The following PSMC6 variants were observed in gnomAD, a reference collection of about 807,000 sequenced individuals.
PSMC6 encodes proteasome 26S subunit, ATPase 6, also known as 26S proteasome regulatory subunit 10B.
A neutral mutation model predicts 55.9 loss-of-function variants in PSMC6; 3 were observed. That is an observed-to-expected ratio of 0.05 (90% CI 0.02 to 0.14). The LOEUF (loss-of-function observed/expected upper bound fraction) is 0.14. PSMC6 is among the 10% of genes least tolerant of loss of function. The pLI, the probability that PSMC6 is intolerant of heterozygous loss-of-function variation, is 1.00. For missense variants in PSMC6, 210 were observed against 478.7 expected, an observed-to-expected ratio of 0.44 and a Z score of 5.24; for synonymous variants, 137 against 155.9, an observed-to-expected ratio of 0.88 and a Z score of 0.90.
At position 52,727,716 on chromosome 14, in the gene PSMC6, A is replaced by C. The variant is rs966811774; in HGVS notation, c.*99A>C. On this transcript the variant is annotated 3_prime_UTR_variant, in exon 14 of 14. Transcript: ENST00000445930. ...TATGTATTGGTAATGATGTCATTAA[A>C]AGTATATGAATAAAAATATGAGTAA... 8.9e-6 allele frequency: 6 copies of C among 677,770 alleles called. No homozygotes were observed. The highest frequency in any genetic ancestry group is 1.5e-5 in the Non-Finnish European group (6 of 405,452). The allele number at this position is 677,770 out of a possible 1,614,324, so 42.0% of individuals were successfully genotyped here. A position where few individuals can be genotyped will look rare whatever the true frequency, so the allele number is the denominator to read the frequency against.
At position 52,720,907 on chromosome 14, in the gene PSMC6, T is replaced by C; in HGVS notation, c.824T>C (p.Met275Thr). 6.2e-7 allele frequency: 1 copy of C among 1,610,874 alleles called. No homozygotes were observed. Among genetic ancestry groups the C allele is most frequent in the Non-Finnish European group, 8.5e-7 (1 of 1,177,260 alleles). Residue 275 changes from methionine (M) to threonine (T), a missense_variant, in exon 11 of 14, where the codon ATG becomes ACG. This residue lies in a region of PSMC6 where 79 missense variants were observed against 158.7 expected (regional missense o/e 0.50). Transcript: ENST00000445930. The stretch of plus-strand genomic sequence containing the variant: ...TTTGATACTCTGCATAGAGTTAAAA[T>C]GATCATGGCTACAAACAGACCAGAT... ...DGFDTLHRVK[M>T]IMATNRPDTL... is the part of the protein sequence containing the mutation.
intron 12 of PSMC6, chr14:52,722,901 A>G (rs1226872911): frequency 6.6e-6 from 1 of 152,216 alleles, no homozygotes; most frequent in African/African-American, 2.4e-5. Context: ...GGCCCTTTAC[A>G]TAAAAAGTTT....
intron 12 of PSMC6, chr14:52,721,576 G>A (rs1243885354): frequency 5.7e-5 from 9 of 157,484 alleles, no homozygotes; most frequent in Middle Eastern, 3.2e-3. Context: ...CGAGGCAGAA[G>A]GACCGCTTGA....
At chr14:52,712,375 G>T (rs1302475390) in intron 6 of PSMC6, among the ~76,000 whole-genome samples, 1 of 101,180 alleles carries the variant, frequency 9.9e-6, no homozygotes, top group Non-Finnish European at 2.1e-5. Flanking sequence ...GGAAGCACTG[G>T]TCTAAGTGTA....
chr14:52,722,037 G>T (rs765207828), intron 12 of PSMC6: 1 of 152,446 alleles, frequency 6.6e-6, no homozygotes, highest in Non-Finnish European at 1.5e-5. Flanking sequence ...GGGATAACAG[G>T]CGTGTGCCAC....
At chr14:52,715,060 AT>A (rs1226009077) in intron 7 of PSMC6, among the ~76,000 whole-genome samples, 1 of 151,994 alleles carries the variant, frequency 6.6e-6, no homozygotes, top group Non-Finnish European at 1.5e-5. Flanking sequence ...TGTAGTGTGA[AT>A]CAGCATTAGT....
At chr14:52,716,241 G>A (rs1428693952) in intron 7 of PSMC6, among the ~76,000 whole-genome samples, 1 of 152,206 alleles carries the variant, frequency 6.6e-6, no homozygotes, top group African/African-American at 2.4e-5. Flanking sequence ...GTACACTACT[G>A]GTGGGAATGT....
At chr14:52,720,754 TA>T in intron 10 of PSMC6, 106 bp from the exon 11 acceptor site, 1 of 841,496 alleles carries the variant, frequency 1.2e-6, no homozygotes, top group Non-Finnish European at 1.8e-6. Flanking sequence ...AGATAGAACA[TA>T]TCTATCTGTA....
intron 4 of PSMC6, chr14:52,709,772 A>G (rs2041746541): frequency 4.0e-6 from 1 of 252,876 alleles, no homozygotes. Context: ...TTTGTGTTGT[A>G]CTGGTTGAGC....
intron 12 of PSMC6, chr14:52,722,508 A>G (rs114555473): frequency 6.6e-6 from 1 of 152,264 alleles, no homozygotes; most frequent in African/African-American, 2.4e-5. Context: ...GGCAGAGTAC[A>G]TAGATGCTTA....
chr14:52,712,212 CA>C lies in PSMC6; in HGVS notation c.441+689del, dbSNP rs560013734. ...TTAAGCCAGTTCTCATACTTCAGTA[CA>C]TTAATTTTTTTTGGAACACTTATTA... On this transcript the variant is annotated intron_variant, in intron 6 of 13. Transcript: ENST00000445930. 2.8e-3 allele frequency among the ~76,000 whole-genome samples: 431 copies of C among 152,228 alleles called. 4 individuals carry two copies. Among genetic ancestry groups the C allele is most frequent in the African/African-American group, 9.7e-3 (404 of 41,528 alleles).
At chr14:52,719,697 A>G (rs1265616336) in intron 10 of PSMC6, among the ~76,000 whole-genome samples, 2 of 152,266 alleles carry the variant, frequency 1.3e-5, no homozygotes, top group Non-Finnish European at 2.9e-5. Context: ...AAGATAACAT[A>G]GCATTTGGAA....
At position 52,728,252 on chromosome 14, in the gene PSMC6, T is replaced by C. The variant is rs1880500549; in HGVS notation, c.*635T>C. On this transcript the variant is annotated 3_prime_UTR_variant, in exon 14 of 14. Coordinates refer to ENST00000445930, the MANE Select transcript of PSMC6 (RefSeq NM_002806.5). Reference sequence around the variant, plus strand: ...ATTGTTGGTTAATTGAAAATATACATGCACATCCATAACTTTTTAAAGAGT... The same window carrying C: ...ATTGTTGGTTAATTGAAAATATACACGCACATCCATAACTTTTTAAAGAGT... 6.6e-6 allele frequency: 1 copy of C among 152,288 alleles called. No individual in the cohort carries two copies. The highest frequency in any genetic ancestry group is 1.5e-5 in the Non-Finnish European group (1 of 68,088). 9.4% of individuals were successfully genotyped at this position (152,288 alleles called of 1,614,324 possible). A position where few individuals can be genotyped will look rare whatever the true frequency, so the allele number is the denominator to read the frequency against.
At chr14:52,711,251 T>C in intron 5 of PSMC6, 83 bp downstream of exon 5, 1 of 1,395,212 alleles carries the variant, frequency 7.2e-7, no homozygotes, top group Admixed American at 1.9e-5. Flanking sequence ...TTGAGATCAC[T>C]GAATATTTTG....
At chr14:52,720,177 G>A (rs1276568449) in intron 10 of PSMC6, among the ~76,000 whole-genome samples, 2 of 138,260 alleles carry the variant, frequency 1.4e-5, no homozygotes, top group African/African-American at 2.7e-5. Flanking sequence ...GGCTGAGATC[G>A]CCCCATTGCA....
At chr14:52,711,068 G>A (rs1199569986) in intron 4 of PSMC6, 33 bp from the exon 5 acceptor site, 2 of 1,504,212 alleles carry the variant, frequency 1.3e-6, no homozygotes, top group Non-Finnish European at 1.8e-6. Flanking sequence ...GTTTTTAAGT[G>A]TTGATGTAAT....
intron 4 of PSMC6, chr14:52,710,414 G>A (rs2041757832): frequency 6.6e-6 from 1 of 152,188 alleles, no homozygotes; most frequent in Admixed American, 6.6e-5. Context: ...GGGCGACAGA[G>A]TGAGACTCCG....
chr14:52,713,767 C>A, intron 6 of PSMC6, 114 bp from the exon 7 acceptor site: 1 of 589,578 alleles, frequency 1.7e-6, no homozygotes, highest in East Asian at 2.9e-5. Flanking sequence ...AAGTCTAGGT[C>A]TATTAAGAAT....
At chr14:52,717,554 C>T (rs556213108) in intron 7 of PSMC6, among the ~76,000 whole-genome samples, 170 of 151,464 alleles carry the variant, frequency 1.1e-3, no homozygotes, top group Non-Finnish European at 2.0e-3. Context: ...GATCTCCTGA[C>T]CCTGTGATCT....
Sources: allele counts gnomAD v4.1 joint callset (sites outside exome capture counted in the v4.1 genomes callset), GRCh38; gene constraint gnomAD v4.1.1; regional missense constraint gnomAD v4.1.1; transcripts MANE v1.5; gene names NCBI Gene and HGNC (gene_info 2026-07-23, HGNC 2026-07-21).